Variants in RGS22 observed in about 807,000 individuals in gnomAD.
RGS22 encodes regulator of G-protein signaling 22.
RGS22 carries 148 observed loss-of-function variants against 172.9 expected under a neutral mutation model. The observed-to-expected ratio is 0.86, with a 90% CI of 0.75 to 0.98. RGS22 has a LOEUF of 0.98. Among genes scored for constraint, RGS22 ranks in the 50% least tolerant of loss-of-function variants. The pLI is 0.00. For synonymous variants in RGS22, 458 were observed against 480.2 expected (o/e 0.95, Z 0.60); for missense variants, 1,347 against 1,440.8 (o/e 0.93, Z 1.05).
chr8:100,019,640 C>G (rs1245772059), intron 14 of RGS22, among the ~76,000 whole-genome samples: 1 of 152,172 alleles, frequency 6.6e-6, no homozygotes, highest in African/African-American at 2.4e-5. Context: ...TAAAAGTAGA[C>G]TTCCAATATC....
intron 14 of RGS22, among the ~76,000 whole-genome samples, chr8:100,026,505 T>C (rs547558998): frequency 6.6e-6 from 1 of 152,238 alleles, no homozygotes; most frequent in South Asian, 2.1e-4. Context: ...CCTGGGTAAA[T>C]AGTAGAAGTC....
At position 100,010,086 on chromosome 8, in the gene RGS22, G is replaced by T. The variant is rs151203593; in HGVS notation, c.2167-1517C>A. 1.8e-3 allele frequency among the ~76,000 whole-genome samples: 269 copies of T among 152,170 alleles called. 3 individuals carry two copies. Among genetic ancestry groups the T allele is most frequent in the Middle Eastern group, 3.4e-3 (1 of 294 alleles). ...TACAAAGTTTCTATAATTTCCCTAA[G>T]TCTTGCTATTTTGCCATTTCATACC... On this transcript the variant is annotated intron_variant, in intron 14 of 27. Transcript: ENST00000360863.
intron 4 of RGS22, among the ~76,000 whole-genome samples, chr8:100,079,802 C>T (rs1811614774): frequency 1.3e-5 from 2 of 152,026 alleles, no homozygotes; most frequent in African/African-American, 2.4e-5. Context: ...AGGATTGGTT[C>T]AAAACCCAAA....
rs1411745279 is a variant in RGS22, at chr8:100,036,575, C to A, written c.2166+2356G>T. Reference sequence around the variant, plus strand: ...ACACGAATTGGCAGAAACTTGAAAACAATATAAAATCAAGTTCATAGAAAC... The same window carrying A: ...ACACGAATTGGCAGAAACTTGAAAAAAATATAAAATCAAGTTCATAGAAAC... On this transcript the variant is annotated intron_variant, in intron 14 of 27. Coordinates refer to ENST00000360863, the MANE Select transcript of RGS22 (RefSeq NM_015668.5). Among the ~76,000 whole-genome samples the A allele has an allele frequency of 2.6e-5, 4 of 152,086 alleles. No individual in the cohort carries two copies. In the South Asian group the frequency reaches 8.3e-4, roughly 31 times the overall value.
intron 23 of RGS22, among the ~76,000 whole-genome samples, chr8:99,970,942 C>T (rs1258962914): frequency 6.6e-6 from 1 of 152,176 alleles, no homozygotes; most frequent in Non-Finnish European, 1.5e-5. Context: ...AATTTCAGGC[C>T]AATATCCCTG....
chr8:100,082,276 G>A (rs1025868501), intron 3 of RGS22, among the ~76,000 whole-genome samples: 4 of 151,992 alleles, frequency 2.6e-5, no homozygotes, highest in Non-Finnish European at 5.9e-5. Context: ...TGTTACATGG[G>A]TAAATTGCAT....
At chr8:99,977,189 T>C (rs2131175081) in intron 23 of RGS22, among the ~76,000 whole-genome samples, 1 of 151,936 alleles carries the variant, frequency 6.6e-6, no homozygotes, top group South Asian at 2.1e-4. Flanking sequence ...CTGCAACCTC[T>C]TCCTCCAGAA....
intron 2 of RGS22, among the ~76,000 whole-genome samples, chr8:100,103,688 GAA>G (rs1010959562): frequency 2.6e-5 from 4 of 152,092 alleles, no homozygotes; most frequent in African/African-American, 9.7e-5. Flanking sequence ...CTCACCCAGA[GAA>G]AGCCCAGAGA....
chr8:99,994,652 T>C (rs1026883619), intron 20 of RGS22, among the ~76,000 whole-genome samples: 2 of 152,124 alleles, frequency 1.3e-5, no homozygotes, highest in Non-Finnish European at 2.9e-5. Context: ...TGCTCATGGA[T>C]AGGAGGAATC....
At chr8:100,023,380 T>C (rs1005751497) in intron 14 of RGS22, among the ~76,000 whole-genome samples, 2 of 152,236 alleles carry the variant, frequency 1.3e-5, no homozygotes. Context: ...CCTTCTGGGA[T>C]GCCACTGCCA....
At chr8:100,045,796 G>A (rs1265104094) in intron 11 of RGS22, among the ~76,000 whole-genome samples, 2 of 151,274 alleles carry the variant, frequency 1.3e-5, no homozygotes, top group Non-Finnish European at 2.9e-5. Context: ...ACTCATGCCT[G>A]TATGTCCTTT....
intron 6 of RGS22, among the ~76,000 whole-genome samples, chr8:100,067,924 A>G (rs1273768711): frequency 6.6e-6 from 1 of 152,012 alleles, no homozygotes; most frequent in Non-Finnish European, 1.5e-5. Context: ...CGCCCGGCCT[A>G]TACTTTTAAG....
At position 100,056,382 on chromosome 8, in the gene RGS22, CA is replaced by C. The variant is rs1275488518; in HGVS notation, c.1515-3407del. Among the ~76,000 whole-genome samples the C allele has an allele frequency of 5.3e-5, 8 of 152,264 alleles. No homozygotes were observed. The South Asian group carries it at 1.2e-3, about 24-fold the overall frequency. On this transcript the variant is annotated intron_variant, in intron 9 of 27. Transcript: ENST00000360863. Reference sequence around the variant, plus strand: ...AATTCAAGCTGGCTGCAGAAATTTGCATAAGTAATGATGAGCCAAATGTTAA... The same window carrying C: ...AATTCAAGCTGGCTGCAGAAATTTGCTAAGTAATGATGAGCCAAATGTTAA...
chr8:100,066,636 A>G (rs1226412847), intron 6 of RGS22, among the ~76,000 whole-genome samples: 1 of 152,142 alleles, frequency 6.6e-6, no homozygotes, highest in African/African-American at 2.4e-5. Context: ...GGCAGTCACC[A>G]GGCCCATCAA....
rs541692268 is a variant in RGS22 at position 100,008,208 on chromosome 8, T to C, written c.2361+167A>G. Among the ~76,000 whole-genome samples the C allele has an allele frequency of 1.4e-3, 211 of 152,116 alleles. 2 individuals are homozygous for C. Among genetic ancestry groups the C allele is most frequent in the Middle Eastern group, 3.4e-3 (1 of 294 alleles). ...GCCCACCACCACGCCTGGCTAATTT[T>C]TGTATTTTTAGTACAGATGGGTTTT... On this transcript the variant is annotated intron_variant, in intron 15 of 27. Coordinates refer to ENST00000360863, the MANE Select transcript of RGS22 (RefSeq NM_015668.5).
chr8:100,018,694 G>A (rs1817278981), intron 14 of RGS22, among the ~76,000 whole-genome samples: 1 of 152,094 alleles, frequency 6.6e-6, no homozygotes, highest in Admixed American at 6.6e-5. Flanking sequence ...TAGCTCAAAC[G>A]ATTTAAAATA....
chr8:100,076,519 T>G (rs1354363250), intron 4 of RGS22, among the ~76,000 whole-genome samples: 1 of 152,204 alleles, frequency 6.6e-6, no homozygotes, highest in Non-Finnish European at 1.5e-5. Context: ...GTATAAGTTT[T>G]TATAAATTCA....
At chr8:100,073,856 A>C (rs1717020251) in intron 4 of RGS22, among the ~76,000 whole-genome samples, 1 of 152,238 alleles carries the variant, frequency 6.6e-6, no homozygotes, top group Non-Finnish European at 1.5e-5. Context: ...AAATAAAATG[A>C]ATTAAAAAGT....
At chr8:99,972,907 G>A (rs1255407897) in intron 23 of RGS22, among the ~76,000 whole-genome samples, 8 of 149,732 alleles carry the variant, frequency 5.3e-5, no homozygotes, top group African/African-American at 1.5e-4. Flanking sequence ...GGTGGTGGGC[G>A]ACTGTAGTCC....
Sources: allele counts gnomAD v4.1 joint callset (sites outside exome capture counted in the v4.1 genomes callset), GRCh38; gene constraint gnomAD v4.1.1; transcripts MANE v1.5; gene names NCBI Gene and HGNC (gene_info 2026-07-23, HGNC 2026-07-21).